IRAK4: variants seen among roughly 807,000 people sequenced by gnomAD.
The protein encoded by IRAK4 is interleukin 1 receptor associated kinase 4.
A neutral mutation model predicts 51.8 loss-of-function variants in IRAK4; 44 were observed. That is an observed-to-expected ratio of 0.85 (90% confidence interval 0.67 to 1.09). The LOEUF (loss-of-function observed/expected upper bound fraction) is 1.09. Among genes scored for constraint, IRAK4 ranks in the 50% least tolerant of loss-of-function variants. The pLI is 0.00. For synonymous variants in IRAK4, 149 were observed against 174.1 expected, an observed-to-expected ratio of 0.86 and a Z score of 1.13; for missense variants, 487 against 538.0, an observed-to-expected ratio of 0.91 and a Z score of 0.94.
At chr12:43,780,277 A>G (rs190212148) in intron 8 of IRAK4, among the ~76,000 whole-genome samples, 30 of 152,336 alleles carry the variant, frequency 2.0e-4, no homozygotes, top group Admixed American at 1.7e-3. Flanking sequence ...CTTTTAAGAC[A>G]TTTTACTAGT....
At chr12:43,777,256 G>T (rs1156285136) in intron 6 of IRAK4, among the ~76,000 whole-genome samples, 1 of 152,108 alleles carries the variant, frequency 6.6e-6, no homozygotes, top group Non-Finnish European at 1.5e-5. Context: ...GCTGAGTGTG[G>T]TGTACACCAG....
intron 9 of IRAK4, among the ~76,000 whole-genome samples, chr12:43,782,914 A>G (rs376491360): frequency 1.5e-4 from 23 of 152,282 alleles, no homozygotes; most frequent in African/African-American, 5.5e-4. Flanking sequence ...TACGTGTTTC[A>G]TATATGGAAA....
intron 4 of IRAK4, among the ~76,000 whole-genome samples, chr12:43,772,654 G>A (rs906348607): frequency 1.3e-5 from 2 of 152,278 alleles, no homozygotes. Context: ...AGAGTTTTGG[G>A]TAGGTAGACT....
chr12:43,760,748 C>G (rs1022329702), intron 1 of IRAK4, among the ~76,000 whole-genome samples: 1 of 152,182 alleles, frequency 6.6e-6, no homozygotes, highest in African/African-American at 2.4e-5. Context: ...TTTATAATTA[C>G]AACCTTTTCT....
At chr12:43,771,394 A>G in intron 3 of IRAK4, 29 bp downstream of exon 3, 2 of 1,611,674 alleles carry the variant, frequency 1.2e-6, no homozygotes, top group Non-Finnish European at 1.7e-6. Context: ...GGGTGTCCAC[A>G]ATTAGGGTGG....
rs1942254394 is a variant in IRAK4 at position 43,786,838 on chromosome 12, G to T, written c.*123G>T. On this transcript the variant is annotated 3_prime_UTR_variant, in exon 12 of 12. Transcript: ENST00000613694. ...AGGCATAGGCTGTTGCAGGACAGTG[G>T]TTATTAAAGCATGGGTTGAACTTCC... 1 of 822,936 alleles carries T rather than the reference G, an allele frequency of 1.2e-6. No individual in the cohort carries two copies. 51.0% of individuals were successfully genotyped at this position (822,936 alleles called of 1,614,324 possible).
At chr12:43,784,458 T>A (rs758430433) in intron 10 of IRAK4, among the ~76,000 whole-genome samples, 1 of 152,150 alleles carries the variant, frequency 6.6e-6, no homozygotes, top group African/African-American at 2.4e-5. Context: ...CAGTTGTAAG[T>A]TTAGGCCTCC....
intron 1 of IRAK4, among the ~76,000 whole-genome samples, chr12:43,767,524 C>T (rs928360832): frequency 6.6e-6 from 1 of 152,058 alleles, no homozygotes; most frequent in Non-Finnish European, 1.5e-5. Flanking sequence ...GAATTGTGGT[C>T]AGGCAGATCT....
At position 43,772,204 on chromosome 12, in the gene IRAK4, C is replaced by A; in HGVS notation, c.332C>A (p.Thr111Lys). 1 of 1,613,486 alleles carries A rather than the reference C, an allele frequency of 6.2e-7. No individual in the cohort carries two copies. The highest frequency in any genetic ancestry group is 8.5e-7 in the Non-Finnish European group (1 of 1,179,766). Reference protein sequence around the residue: ...LPDAVPKTANTLPSKEAITVQ... With the variant: ...LPDAVPKTANKLPSKEAITVQ... ...GATGCTGTTCCCAAAACTGCTAATA[C>A]ACTACCTTCTAAAGAAGCTATAACA... is the stretch of plus-strand genomic sequence containing the variant. Residue 111 changes from threonine to lysine, a missense_variant, in exon 4 of 12, where the codon ACA (threonine) becomes AAA (lysine). Physicochemically the swap from Thr to Lys is moderately conservative, Grantham distance 78. Transcript: ENST00000613694.
At chr12:43,774,588 A>C (rs538316817) in intron 6 of IRAK4, among the ~76,000 whole-genome samples, 7 of 152,344 alleles carry the variant, frequency 4.6e-5, no homozygotes, top group Non-Finnish European at 7.3e-5. Context: ...AAATTTCACT[A>C]TCATGTCCTT....
rs530695274 is a variant in IRAK4 at position 43,772,497 on chromosome 12, C to T, written c.490+135C>T. ...CAATAGCTCTTTTGTGAGTTGTTTCCTCCTGATATATTAAGAACCATCTTC... is the reference window on the plus strand; with the variant it reads ...CAATAGCTCTTTTGTGAGTTGTTTCTTCCTGATATATTAAGAACCATCTTC... On this transcript the variant is annotated intron_variant, in intron 4 of 11. Coordinates refer to ENST00000613694, the MANE Select transcript of IRAK4 (RefSeq NM_016123.4). The T allele has an allele frequency of 1.4e-4, 110 of 772,298 alleles. 2 individuals are homozygous for T. The South Asian group carries it at 1.5e-3, about 11-fold the overall frequency. The allele number at this position is 772,298 out of a possible 1,614,324, so 47.8% of individuals were successfully genotyped here.
chr12:43,775,628 G>C (rs778318905), intron 6 of IRAK4, among the ~76,000 whole-genome samples: 1 of 152,076 alleles, frequency 6.6e-6, no homozygotes, highest in Non-Finnish European at 1.5e-5. Flanking sequence ...AGCTAGGTTT[G>C]TTTCTAATTT....
intron 1 of IRAK4, among the ~76,000 whole-genome samples, chr12:43,763,081 T>C (rs886200954): frequency 6.6e-6 from 1 of 152,210 alleles, no homozygotes; most frequent in Non-Finnish European, 1.5e-5. Context: ...TTTCAGGAGA[T>C]TTGTAAGGTC....
chr12:43,774,190 A>G (rs751135109), intron 6 of IRAK4, among the ~76,000 whole-genome samples, 161 bp downstream of exon 6: 1 of 152,232 alleles, frequency 6.6e-6, no homozygotes, highest in Non-Finnish European at 1.5e-5. Flanking sequence ...TTTTGGCTCC[A>G]TAATTCTATG....
chr12:43,783,326 AT>A (rs1040498038), intron 9 of IRAK4, among the ~76,000 whole-genome samples: 3 of 151,714 alleles, frequency 2.0e-5, no homozygotes, highest in Admixed American at 6.6e-5. Context: ...TAATATATAT[AT>A]TTTTTAGAGA....
At chr12:43,777,074 T>C (rs531205308) in intron 6 of IRAK4, among the ~76,000 whole-genome samples, 1 of 152,304 alleles carries the variant, frequency 6.6e-6, no homozygotes, top group South Asian at 2.1e-4. Context: ...AAAATCTGAA[T>C]TATTTAGCTT....
At chr12:43,778,151 A>T in intron 7 of IRAK4, 42 bp from the exon 8 acceptor site, 1 of 1,146,850 alleles carries the variant, frequency 8.7e-7, no homozygotes, top group Non-Finnish European at 1.3e-6. Context: ...TAGATTTTTT[A>T]TTATTCTTTC....
At chr12:43,765,840 CA>C (rs35140478) in intron 1 of IRAK4, among the ~76,000 whole-genome samples, 10,209 of 115,982 alleles carry the variant, frequency 0.088, 339 homozygotes, top group Middle Eastern at 0.16. Context: ...TAACATGAGC[CA>C]AAAAAAAAAA....
At chr12:43,760,395 C>T (rs1388899450) in intron 1 of IRAK4, among the ~76,000 whole-genome samples, 1 of 152,184 alleles carries the variant, frequency 6.6e-6, no homozygotes, top group Non-Finnish European at 1.5e-5. Context: ...CCCAGCAGCC[C>T]CAGTATCCTT....
Sources: gnomAD v4.1 joint callset for allele counts (sites outside exome capture counted in the v4.1 genomes callset) on GRCh38, gnomAD v4.1.1 for gene constraint, MANE v1.5 for transcripts, NCBI Gene and HGNC (gene_info 2026-07-23, HGNC 2026-07-21) for gene names.